Variants in NBEA observed in about 807,000 individuals in gnomAD.
NBEA encodes the protein neurobeachin.
Under a neutral mutation model 343.4 loss-of-function variants are expected in NBEA, and 44 were observed. The ratio of observed to expected loss-of-function variants is 0.13; its 90% CI spans 0.10 to 0.16. The LOEUF is 0.16. NBEA is among the 10% of genes least tolerant of loss of function. The pLI is 1.00. For missense variants in NBEA, 2,555 were observed against 3,631.3 expected (o/e 0.70, Z 7.62); for synonymous variants, 1,175 against 1,238.7 (o/e 0.95, Z 1.08).
At position 35,159,461 on chromosome 13, in the gene NBEA, A is replaced by G. The variant is rs758304793; in HGVS notation, c.3290A>G (p.Asp1097Gly). ...CTTGTGGAGGTTGAATCTCTGTTGG[A>G]TAATGTATATAGTGCTGCTGTTGAG... ...GALVEVESLL[D>G]NVYSAAVEKL... The change falls in exon 22 of 59, where the codon GAT (aspartate) becomes GGT (glycine). Residue 1097 changes from aspartate to glycine, a missense_variant. Asp to Gly is a moderately conservative substitution (Grantham distance 94). Coordinates refer to ENST00000379939, the MANE Select transcript of NBEA (RefSeq NM_001385012.1). The G allele has an allele frequency of 2.8e-5, 45 of 1,613,358 alleles. No individual in the cohort carries two copies. Among genetic ancestry groups the G allele is most frequent in the Non-Finnish European group, 3.7e-5 (44 of 1,179,682 alleles).
At chr13:35,614,844 A>G (rs77167784) in intron 48 of NBEA, among the ~76,000 whole-genome samples, 190 of 152,230 alleles carry the variant, frequency 1.2e-3, no homozygotes, top group African/African-American at 4.5e-3. Context: ...TGCAAATCAG[A>G]ATGGATACCC....
intron 33 of NBEA, among the ~76,000 whole-genome samples, chr13:35,218,670 T>A (rs1351942059): frequency 6.6e-6 from 1 of 151,926 alleles, no homozygotes; most frequent in East Asian, 1.9e-4. Context: ...ATGTTATACA[T>A]CTCTTATATT....
chr13:34,964,494 C>A (rs2059757888), intron 1 of NBEA, among the ~76,000 whole-genome samples: 1 of 151,934 alleles, frequency 6.6e-6, no homozygotes, highest in Non-Finnish European at 1.5e-5. Context: ...TTTAATTATT[C>A]TTATGGCTCC....
chr13:34,954,986 G>T (rs984298015), intron 1 of NBEA, among the ~76,000 whole-genome samples: 15 of 152,138 alleles, frequency 9.9e-5, no homozygotes, highest in African/African-American at 3.1e-4. Flanking sequence ...TTTGAGACTG[G>T]TAAGGAGTCA....
At chr13:35,586,261 C>T (rs764279760) in intron 46 of NBEA, among the ~76,000 whole-genome samples, 15 of 152,170 alleles carry the variant, frequency 9.9e-5, no homozygotes, top group Non-Finnish European at 1.9e-4. Flanking sequence ...AAAAAATTAA[C>T]TTTCTACAGA....
intron 39 of NBEA, among the ~76,000 whole-genome samples, chr13:35,440,275 A>G (rs1371283230): frequency 6.6e-6 from 1 of 152,186 alleles, no homozygotes; most frequent in Non-Finnish European, 1.5e-5. Flanking sequence ...TCTATAAACT[A>G]GGTCTAGAAG....
At chr13:35,327,863 T>C (rs1174724419) in intron 36 of NBEA, among the ~76,000 whole-genome samples, 1 of 151,932 alleles carries the variant, frequency 6.6e-6, no homozygotes, top group Non-Finnish European at 1.5e-5. Context: ...ATCATTGTCA[T>C]AGATGTAGGA....
At position 35,622,172 on chromosome 13, in the gene NBEA, A is replaced by C. The variant is rs1027513326; in HGVS notation, c.7450-5909A>C. 8.5e-5 allele frequency among the ~76,000 whole-genome samples: 13 copies of C among 152,320 alleles called. 1 individual carries two copies. The highest frequency in any genetic ancestry group is 3.1e-4 in the African/African-American group (13 of 41,572). On this transcript the variant is annotated intron_variant, in intron 48 of 58. Transcript: ENST00000379939. ...CAATGCTTTCAAGCTAGAGAGAAAG[A>C]AAGCAAAAGCTCTGAGGTCATACCA...
At chr13:35,402,531 T>G (rs977793138) in intron 38 of NBEA, among the ~76,000 whole-genome samples, 3 of 152,088 alleles carry the variant, frequency 2.0e-5, no homozygotes, top group African/African-American at 4.8e-5. Context: ...TTTTAAGGAC[T>G]GACATGTGTA....
chr13:35,390,999 G>A (rs1021274927), intron 38 of NBEA, among the ~76,000 whole-genome samples: 1 of 152,060 alleles, frequency 6.6e-6, no homozygotes, highest in Non-Finnish European at 1.5e-5. Flanking sequence ...TGCATTCCAG[G>A]TGCAGTGGCT....
At chr13:35,315,625 T>C (rs1472270457) in intron 36 of NBEA, among the ~76,000 whole-genome samples, 1 of 152,140 alleles carries the variant, frequency 6.6e-6, no homozygotes, top group African/African-American at 2.4e-5. Flanking sequence ...TTTTTGAATA[T>C]TCATCAGAAA....
intron 38 of NBEA, among the ~76,000 whole-genome samples, chr13:35,402,631 G>C (rs1015762842): frequency 2.0e-5 from 3 of 152,104 alleles, no homozygotes; most frequent in Non-Finnish European, 4.4e-5. Context: ...AAGAGCTTTT[G>C]TAAATAGGAA....
intron 41 of NBEA, among the ~76,000 whole-genome samples, chr13:35,517,856 A>T (rs570595082): frequency 3.9e-5 from 6 of 152,348 alleles, no homozygotes; most frequent in Admixed American, 3.3e-4. Flanking sequence ...AGTACTTGGA[A>T]TAACCTTACA....
At chr13:34,990,849 C>T (rs1182655540) in intron 1 of NBEA, among the ~76,000 whole-genome samples, 2 of 152,208 alleles carry the variant, frequency 1.3e-5, no homozygotes, top group Non-Finnish European at 2.9e-5. Context: ...TGACCATATG[C>T]TGTTAGAAGC....
chr13:35,197,467 G>C (rs1252151092), intron 31 of NBEA, among the ~76,000 whole-genome samples: 1 of 151,910 alleles, frequency 6.6e-6, no homozygotes, highest in Non-Finnish European at 1.5e-5. Context: ...TAACATTTTA[G>C]TTTAGGGGTA....
chr13:35,428,485 C>T (rs950900400), intron 38 of NBEA, among the ~76,000 whole-genome samples: 3 of 152,132 alleles, frequency 2.0e-5, no homozygotes, highest in Non-Finnish European at 2.9e-5. Context: ...CCCTCTGTTC[C>T]TTCTGTTCTG....
intron 31 of NBEA, 101 bp downstream of exon 31, chr13:35,196,403 G>C: frequency 9.0e-7 from 1 of 1,115,926 alleles, no homozygotes; most frequent in East Asian, 2.6e-5. Flanking sequence ...CTTTATTAAC[G>C]TAGATTCTTA....
At chr13:35,081,890 C>A (rs2064424054) in intron 10 of NBEA, among the ~76,000 whole-genome samples, 2 of 151,902 alleles carry the variant, frequency 1.3e-5, no homozygotes, top group Middle Eastern at 3.4e-3. Context: ...TCACCATCAC[C>A]TTGAGTATTT....
At chr13:35,624,699 GAC>G (rs1437359828) in intron 48 of NBEA, among the ~76,000 whole-genome samples, 1 of 151,550 alleles carries the variant, frequency 6.6e-6, no homozygotes. Context: ...TAGAAAGCTG[GAC>G]ACACATACGT....
Sources: gnomAD v4.1 joint callset for allele counts (sites outside exome capture counted in the v4.1 genomes callset) on GRCh38, gnomAD v4.1.1 for gene constraint, MANE v1.5 for transcripts, NCBI Gene and HGNC (gene_info 2026-07-23, HGNC 2026-07-21) for gene names.